ZNF556: variants seen among roughly 807,000 people sequenced by gnomAD.
The protein encoded by ZNF556 is zinc finger protein 556.
In ZNF556, 11 loss-of-function variants were observed where a neutral mutation model predicts 13.6. That is an observed-to-expected ratio of 0.81 (90% CI 0.51 to 1.33). The LOEUF (loss-of-function observed/expected upper bound fraction) is 1.33, where lower values mean the gene tolerates loss of function less well. Among genes scored for constraint, ZNF556 ranks in the 40% most tolerant of loss-of-function variants. The pLI, the probability that ZNF556 is intolerant of heterozygous loss-of-function variation, is 0.00. For missense variants in ZNF556, 633 were observed against 566.2 expected (o/e 1.12, Z -1.20); for synonymous variants, 229 against 207.8 (o/e 1.10, Z -0.88).
At chr19:2,875,980 A>G in intron 2 of ZNF556, 113 bp from the exon 3 acceptor site, 1 of 954,250 alleles carries the variant, frequency 1.0e-6, no homozygotes, top group Non-Finnish European at 1.5e-6. Flanking sequence ...AAATAAATAA[A>G]TAGATAAATA....
rs201054016 is a variant in ZNF556, at chr19:2,881,642, C to A, written c.*3313C>A. The A allele has an allele frequency of 6.6e-6, 1 of 151,598 alleles. No individual in the cohort carries two copies. The highest frequency in any genetic ancestry group is 1.9e-4 in the East Asian group (1 of 5,174). The allele number at this position is 151,598 out of a possible 1,614,324, so 9.4% of individuals were successfully genotyped here. On this transcript the variant is annotated 3_prime_UTR_variant, in exon 4 of 4. Coordinates refer to ENST00000307635, the MANE Select transcript of ZNF556 (RefSeq NM_024967.3). Reference sequence around the variant, plus strand: ...GAATAAAGTATAGTATCAAACTTGACAAGGTAGATAATAGGGAATGCAGAA... The same window carrying A: ...GAATAAAGTATAGTATCAAACTTGAAAAGGTAGATAATAGGGAATGCAGAA...
rs1457079064 is a variant in ZNF556 at position 2,880,613 on chromosome 19, C to CA, written c.*2288dup. ...TGAAACCCCATCTCTACTAAAAATA[C>CA]AAAATATTAGTGGGGTGTGCTGGTA... On this transcript the variant is annotated 3_prime_UTR_variant, in exon 4 of 4. Transcript: ENST00000307635. 1.3e-5 allele frequency: 2 copies of CA among 151,886 alleles called. No homozygotes were observed. The highest frequency in any genetic ancestry group is 1.3e-4 in the Admixed American group (2 of 15,214). The allele number at this position is 151,886 out of a possible 1,614,324, so 9.4% of individuals were successfully genotyped here.
chr19:2,881,866 G>C lies in ZNF556; in HGVS notation c.*3537G>C, dbSNP rs975061847. The C allele has an allele frequency of 1.3e-5, 2 of 152,122 alleles. No homozygotes were observed. The highest frequency in any genetic ancestry group is 2.4e-5 in the African/African-American group (1 of 41,406). The allele number at this position is 152,122 out of a possible 1,614,324, so 9.4% of individuals were successfully genotyped here. On this transcript the variant is annotated 3_prime_UTR_variant, in exon 4 of 4. Coordinates refer to ENST00000307635, the MANE Select transcript of ZNF556 (RefSeq NM_024967.3). The stretch of plus-strand genomic sequence containing the variant: ...CTCACACTTGTAATTCCAAAGCTTC[G>C]GGAGGCTGAGGCAGGAGGATCACTT...
At position 2,882,529 on chromosome 19, in the gene ZNF556, A is replaced by AGTGTGTGTGTGTGTG. The variant is rs1472571741; in HGVS notation, c.*4200_*4201insGTGTGTGTGTGTGTG. ...GTATACATTTTATATATATATATAT[A>AGTGTGTGTGTGTGTG]TAGTGTGTGTGTGTGTGTGTGTGTG... On this transcript the variant is annotated 3_prime_UTR_variant, in exon 4 of 4. Coordinates refer to ENST00000307635, the MANE Select transcript of ZNF556 (RefSeq NM_024967.3). 2.3e-4 allele frequency: 21 copies of AGTGTGTGTGTGTGTG among 91,072 alleles called. No homozygotes were observed. The highest frequency in any genetic ancestry group is 8.3e-4 in the African/African-American group (20 of 24,074). The allele number at this position is 91,072 out of a possible 1,614,324, so 5.6% of individuals were successfully genotyped here.
At chr19:2,874,112 C>G (rs1296966458) in intron 2 of ZNF556, among the ~76,000 whole-genome samples, 1 of 152,000 alleles carries the variant, frequency 6.6e-6, no homozygotes, top group Non-Finnish European at 1.5e-5. Context: ...AAAAAATTAG[C>G]TGGGCATGGT....
At chr19:2,870,002 T>A (rs2087789169) in intron 1 of ZNF556, among the ~76,000 whole-genome samples, 2 of 152,176 alleles carry the variant, frequency 1.3e-5, no homozygotes, top group African/African-American at 2.4e-5. Flanking sequence ...CAAGACCCGC[T>A]CCTTCCATAG....
intron 1 of ZNF556, among the ~76,000 whole-genome samples, chr19:2,869,152 T>C (rs2087781454): frequency 6.6e-6 from 1 of 152,176 alleles, no homozygotes; most frequent in Non-Finnish European, 1.5e-5. Flanking sequence ...CATTATTACA[T>C]GTGTGTCCAC....
Position 2,882,531 on chromosome 19 carries a change from A to ATATATATATATAGTGT in ZNF556, c.*4202_*4203insTATATATATATAGTGT, listed in dbSNP as rs57053138. The stretch of plus-strand genomic sequence containing the variant: ...ATACATTTTATATATATATATATAT[A>ATATATATATATAGTGT]GTGTGTGTGTGTGTGTGTGTGTGTG... On this transcript the variant is annotated 3_prime_UTR_variant, in exon 4 of 4. Coordinates refer to ENST00000307635, the MANE Select transcript of ZNF556 (RefSeq NM_024967.3). The ATATATATATATAGTGT allele has an allele frequency of 2.4e-4, 31 of 127,716 alleles. No homozygotes were observed. Among genetic ancestry groups the ATATATATATATAGTGT allele is most frequent in the African/African-American group, 7.6e-4 (25 of 32,982 alleles). The allele number at this position is 127,716 out of a possible 1,614,324, so 7.9% of individuals were successfully genotyped here. A position where few individuals can be genotyped will look rare whatever the true frequency, so the allele number is the denominator to read the frequency against.
chr19:2,877,406 A>C lies in ZNF556; in HGVS notation c.448A>C (p.Ser150Arg). The change falls in exon 4 of 4, where the codon AGT becomes CGT. Residue 150 changes from serine (S) to arginine (R), a missense_variant. By Grantham distance (110) the Ser-to-Arg change is moderately radical (BLOSUM62 -1). Coordinates refer to ENST00000307635, the MANE Select transcript of ZNF556 (RefSeq NM_024967.3). ...CCTSVRRYECSQCGKLFTHSS... is the reference protein window; with the variant it reads ...CCTSVRRYECRQCGKLFTHSS... The stretch of plus-strand genomic sequence containing the variant: ...TACTAGTGTAAGACGGTACGAATGC[A>C]GTCAGTGTGGAAAACTCTTCACCCA... 6.2e-7 allele frequency: 1 copy of C among 1,614,174 alleles called. No individual in the cohort carries two copies. The highest frequency in any genetic ancestry group is 8.5e-7 in the Non-Finnish European group (1 of 1,180,024).
At chr19:2,868,919 A>C (rs968435442) in intron 1 of ZNF556, among the ~76,000 whole-genome samples, 2 of 151,802 alleles carry the variant, frequency 1.3e-5, no homozygotes, top group African/African-American at 4.8e-5. Flanking sequence ...GGGTTCCACC[A>C]TGTTGGCCAG....
chr19:2,872,413 T>G (rs1382586867), intron 1 of ZNF556, among the ~76,000 whole-genome samples: 1 of 151,874 alleles, frequency 6.6e-6, no homozygotes, highest in Non-Finnish European at 1.5e-5. Flanking sequence ...CTCGCACTCT[T>G]GTCTTCTGGT....
intron 1 of ZNF556, 130 bp downstream of exon 1, chr19:2,867,554 C>A: frequency 7.4e-7 from 1 of 1,360,214 alleles, no homozygotes; most frequent in Non-Finnish European, 1.0e-6. Flanking sequence ...CTGTGTCACC[C>A]CCGGGTCCTG....
Position 2,877,171 on chromosome 19 carries a change from C to T in ZNF556, c.315-102C>T, listed in dbSNP as rs1044493780. 70 of 966,562 alleles carry T rather than the reference C, an allele frequency of 7.2e-5. 1 individual carries two copies. The Admixed American group carries it at 7.6e-4, about 11-fold the overall frequency. 59.9% of individuals were successfully genotyped at this position (966,562 alleles called of 1,614,324 possible). A position where few individuals can be genotyped will look rare whatever the true frequency, so the allele number is the denominator to read the frequency against. Reference sequence around the variant, plus strand: ...GTTGCAGTGAGCCAAGATCATGCCACTGCACTCCAGCCTGGGGAACAAGAG... The same window carrying T: ...GTTGCAGTGAGCCAAGATCATGCCATTGCACTCCAGCCTGGGGAACAAGAG... On this transcript the variant is annotated intron_variant, in intron 3 of 3. Transcript: ENST00000307635.
At chr19:2,873,449 T>A in intron 1 of ZNF556, 47 bp from the exon 2 acceptor site, 1 of 1,605,986 alleles carries the variant, frequency 6.2e-7, no homozygotes, top group Non-Finnish European at 8.5e-7. Flanking sequence ...TCCGCAGTGC[T>A]GTGAGTTTTA....
Position 2,876,078 on chromosome 19 carries a change from A to G in ZNF556, c.131-15A>G, listed in dbSNP as rs1454714042. ...GATGCCTTCCTCATCATATTGGTTC[A>G]CTTTTTTGTTTCAGATAATGAGGCT... is the stretch of plus-strand genomic sequence containing the variant. On this transcript the variant is annotated splice_polypyrimidine_tract_variant and intron_variant, in intron 2 of 3. Coordinates refer to ENST00000307635, the MANE Select transcript of ZNF556 (RefSeq NM_024967.3). 6.3e-7 allele frequency: 1 copy of G among 1,591,450 alleles called. No homozygotes were observed. Among genetic ancestry groups the G allele is most frequent in the East Asian group, 2.3e-5 (1 of 44,084 alleles).
At position 2,877,410 on chromosome 19, in the gene ZNF556, A is replaced by C; in HGVS notation, c.452A>C (p.Gln151Pro). The C allele has an allele frequency of 6.2e-7, 1 of 1,614,194 alleles. No homozygotes were observed. Among genetic ancestry groups the C allele is most frequent in the Non-Finnish European group, 8.5e-7 (1 of 1,180,036 alleles). Residue 151 changes from glutamine (Q) to proline (P), a missense_variant, in exon 4 of 4, where the codon CAG (glutamine) becomes CCG (proline). Coordinates refer to ENST00000307635, the MANE Select transcript of ZNF556 (RefSeq NM_024967.3). Reference protein sequence around the residue: ...CTSVRRYECSQCGKLFTHSSS... With the variant: ...CTSVRRYECSPCGKLFTHSSS... ...AGTGTAAGACGGTACGAATGCAGTCAGTGTGGAAAACTCTTCACCCATTCC... is the reference window on the plus strand; with the variant it reads ...AGTGTAAGACGGTACGAATGCAGTCCGTGTGGAAAACTCTTCACCCATTCC...
At chr19:2,870,485 G>T (rs186576523) in intron 1 of ZNF556, among the ~76,000 whole-genome samples, 27 of 150,546 alleles carry the variant, frequency 1.8e-4, no homozygotes. Context: ...GATGGCTCAC[G>T]CCTGTAATCC....
chr19:2,878,036 G>T lies in ZNF556; in HGVS notation c.1078G>T (p.Asp360Tyr). ...KSSARPRPST[D>Y]VKSQTREKVY... Reference sequence around the variant, plus strand: ...TTCCGCGAGGCCTCGCCCCTCCACAGATGTCAAATCACAAACTAGAGAGAA... The same window carrying T: ...TTCCGCGAGGCCTCGCCCCTCCACATATGTCAAATCACAAACTAGAGAGAA... The change falls in exon 4 of 4, where the codon GAT (aspartate) becomes TAT (tyrosine). Residue 360 changes from aspartate (D) to tyrosine (Y), a missense_variant. By Grantham distance (160) the Asp-to-Tyr change is radical (BLOSUM62 -3). Coordinates refer to ENST00000307635, the MANE Select transcript of ZNF556 (RefSeq NM_024967.3). 1 of 1,614,162 alleles carries T rather than the reference G, an allele frequency of 6.2e-7. No individual in the cohort carries two copies. Among genetic ancestry groups the T allele is most frequent in the Non-Finnish European group, 8.5e-7 (1 of 1,180,024 alleles).
chr19:2,873,191 G>C (rs1023336681), intron 1 of ZNF556, among the ~76,000 whole-genome samples: 2 of 151,914 alleles, frequency 1.3e-5, no homozygotes, highest in African/African-American at 4.8e-5. Flanking sequence ...CTTACCATCA[G>C]ATTTTTTAAA....
Sources: allele counts gnomAD v4.1 joint callset (sites outside exome capture counted in the v4.1 genomes callset), GRCh38; gene constraint gnomAD v4.1.1; transcripts MANE v1.5; gene names NCBI Gene and HGNC (gene_info 2026-07-23, HGNC 2026-07-21).